Variants in PTK2B observed in about 807,000 individuals in gnomAD.
PTK2B encodes the protein protein tyrosine kinase 2 beta, also known as protein-tyrosine kinase 2-beta.
A neutral mutation model predicts 142.9 loss-of-function variants in PTK2B; 71 were observed. The ratio of observed to expected loss-of-function variants is 0.50; its 90% CI spans 0.41 to 0.61. PTK2B has a LOEUF of 0.61. Among genes scored for constraint, PTK2B ranks in the 20% least tolerant of loss-of-function variants. The pLI is 0.00. For missense variants in PTK2B, 1,105 were observed against 1,320.4 expected (o/e 0.84, Z 2.53); for synonymous variants, 519 against 503.4 (o/e 1.03, Z -0.42).
chr8:27,410,972 T>A (rs1381041966), intron 2 of PTK2B, among the ~76,000 whole-genome samples: 1 of 152,210 alleles, frequency 6.6e-6, no homozygotes, highest in East Asian at 1.9e-4. Context: ...CTGTGAGCCA[T>A]GGGCAGTCGG....
At chr8:27,420,587 T>A in intron 3 of PTK2B, 70 bp from the exon 4 acceptor site, 2 of 1,458,204 alleles carry the variant, frequency 1.4e-6, no homozygotes, top group Admixed American at 3.4e-5. Flanking sequence ...GCTTCTGCCC[T>A]TGGGGTCCTA....
chr8:27,394,924 A>G (rs1436720722), intron 1 of PTK2B, among the ~76,000 whole-genome samples: 1 of 152,184 alleles, frequency 6.6e-6, no homozygotes, highest in Non-Finnish European at 1.5e-5. Flanking sequence ...GACCATCAGT[A>G]TCACTGTCTT....
chr8:27,403,382 T>C (rs1808495479), intron 2 of PTK2B, among the ~76,000 whole-genome samples: 1 of 152,234 alleles, frequency 6.6e-6, no homozygotes, highest in Non-Finnish European at 1.5e-5. Context: ...GTTTTGGTCT[T>C]TATTCTCTGC....
chr8:27,438,707 T>C (rs1810959029), intron 18 of PTK2B, among the ~76,000 whole-genome samples: 1 of 152,102 alleles, frequency 6.6e-6, no homozygotes, highest in Non-Finnish European at 1.5e-5. Context: ...GTGTAGCAGA[T>C]GCCAGGAATC....
chr8:27,320,532 AG>A (rs2130621867), intron 3 of PTK2B, among the ~76,000 whole-genome samples: 1 of 152,226 alleles, frequency 6.6e-6, no homozygotes, highest in Middle Eastern at 3.4e-3. Flanking sequence ...ACCCCTCCTT[AG>A]GTTTGATTAA....
chr8:27,442,868 C>T lies in PTK2B; in HGVS notation c.2040-7C>T, dbSNP rs1371248951. ...TTTCTCTCCTTATCTGACGTGACTC[C>T]CTGCAGTGACGTTTATCAGATGGAG... On this transcript the variant is annotated splice_region_variant and splice_polypyrimidine_tract_variant and intron_variant, in intron 21 of 30. Transcript: ENST00000346049. The T allele has an allele frequency of 4.3e-6, 7 of 1,611,216 alleles. No homozygotes were observed. The African/African-American group carries it at 6.7e-5, about 15-fold the overall frequency.
chr8:27,448,676 C>T (rs1811626290), intron 24 of PTK2B, among the ~76,000 whole-genome samples: 1 of 152,206 alleles, frequency 6.6e-6, no homozygotes. Context: ...CATACTCTTC[C>T]TTAACCCATA....
chr8:27,454,726 C>A, intron 30 of PTK2B, 115 bp downstream of exon 30: 2 of 1,116,816 alleles, frequency 1.8e-6, no homozygotes, highest in East Asian at 2.5e-5. Flanking sequence ...ACTGAGTCCC[C>A]ACCAGGTGGG....
At chr8:27,389,563 G>T (rs1807581930) in intron 1 of PTK2B, among the ~76,000 whole-genome samples, 1 of 152,218 alleles carries the variant, frequency 6.6e-6, no homozygotes, top group South Asian at 2.1e-4. Context: ...ACCCCCCCAA[G>T]CCAGCTGGCC....
chr8:27,405,035 C>CCTCTCTCTCTCTCT (rs3076734), intron 2 of PTK2B, among the ~76,000 whole-genome samples: 5,687 of 118,644 alleles, frequency 0.048, 390 homozygotes, highest in South Asian at 0.068. Context: ...TCTTTCTCTT[C>CCTCTCTCTCTCTCT]CTCTCTCTCT....
intron 24 of PTK2B, among the ~76,000 whole-genome samples, chr8:27,450,160 G>T (rs577056534): frequency 6.6e-6 from 1 of 152,166 alleles, no homozygotes; most frequent in Non-Finnish European, 1.5e-5. Flanking sequence ...GTGGGTGCAT[G>T]CTGTTGCTTG....
At chr8:27,385,403 A>G (rs2131201001) in intron 1 of PTK2B, among the ~76,000 whole-genome samples, 1 of 152,302 alleles carries the variant, frequency 6.6e-6, no homozygotes, top group African/African-American at 2.4e-5. Context: ...GTTGGCGATA[A>G]CTTTCTGTAA....
intron 1 of PTK2B, among the ~76,000 whole-genome samples, chr8:27,374,873 C>T (rs1806574422): frequency 6.6e-6 from 1 of 152,160 alleles, no homozygotes; most frequent in African/African-American, 2.4e-5. Flanking sequence ...CCCAAGTGCA[C>T]CAGATGCAAA....
intron 22 of PTK2B, among the ~76,000 whole-genome samples, chr8:27,443,202 T>G (rs1004573326): frequency 5.3e-5 from 8 of 152,244 alleles, no homozygotes; most frequent in Non-Finnish European, 2.9e-5. Context: ...TCAAGAATCA[T>G]TCCTCAAAAG....
At chr8:27,394,540 G>A (rs1481387816) in intron 1 of PTK2B, among the ~76,000 whole-genome samples, 1 of 152,240 alleles carries the variant, frequency 6.6e-6, no homozygotes, top group East Asian at 1.9e-4. Flanking sequence ...GAATCTGCGA[G>A]TGAGTGTGAG....
rs926324505 is a variant in PTK2B, at chr8:27,446,994, A to G, written c.2340+1075A>G. On this transcript the variant is annotated intron_variant, in intron 24 of 30. Coordinates refer to ENST00000346049, the MANE Select transcript of PTK2B (RefSeq NM_173176.3). ...TAAACTACATTTTTAGGCATGTGCT[A>G]TAATTTAGGCTGTGTTCGGTTTCTC... is the stretch of plus-strand genomic sequence containing the variant. Among the ~76,000 whole-genome samples the G allele has an allele frequency of 5.3e-5, 8 of 152,362 alleles. No homozygotes were observed. The East Asian group carries it at 1.2e-3, about 22-fold the overall frequency.
intron 30 of PTK2B, among the ~76,000 whole-genome samples, chr8:27,456,438 C>G (rs1376610531): frequency 6.6e-6 from 1 of 152,184 alleles, no homozygotes; most frequent in Non-Finnish European, 1.5e-5. Flanking sequence ...GAGGGGCCAT[C>G]ATAAACTGTG....
intron 1 of PTK2B, among the ~76,000 whole-genome samples, chr8:27,369,789 A>G (rs1339542977): frequency 1.3e-5 from 2 of 152,222 alleles, no homozygotes; most frequent in Non-Finnish European, 2.9e-5. Flanking sequence ...AGCCTGGCCA[A>G]CATGGCAAAA....
intron 5 of PTK2B, among the ~76,000 whole-genome samples, chr8:27,423,028 TC>T (rs1809857943): frequency 6.6e-6 from 1 of 152,074 alleles, no homozygotes; most frequent in Non-Finnish European, 1.5e-5. Flanking sequence ...GGAGATACAC[TC>T]CAGGCTCAGG....
Sources: gnomAD v4.1 joint callset for allele counts (sites outside exome capture counted in the v4.1 genomes callset) on GRCh38, gnomAD v4.1.1 for gene constraint, MANE v1.5 for transcripts, NCBI Gene and HGNC (gene_info 2026-07-23, HGNC 2026-07-21) for gene names.